The following BMP7 variants were observed in gnomAD, a reference collection of about 807,000 sequenced individuals.
BMP7 encodes the protein bone morphogenetic protein 7.
In BMP7, 12 loss-of-function variants were observed where a neutral mutation model predicts 41.2. That is an observed-to-expected ratio of 0.29 (90% confidence interval 0.19 to 0.47). The LOEUF (loss-of-function observed/expected upper bound fraction) is 0.47, where lower values mean the gene tolerates loss of function less well. BMP7 is among the 20% of genes least tolerant of loss of function. The probability of loss-of-function intolerance (pLI) is 0.99; values close to 1 mark genes in which losing one functional copy is unlikely to be tolerated. For synonymous variants in BMP7, 248 were observed against 250.0 expected, an observed-to-expected ratio of 0.99 and a Z score of 0.07; for missense variants, 467 against 606.0, an observed-to-expected ratio of 0.77 and a Z score of 2.41.
At chr20:57,211,660 T>C (rs954006196) in intron 2 of BMP7, among the ~76,000 whole-genome samples, 9 of 152,122 alleles carry the variant, frequency 5.9e-5, no homozygotes, top group Middle Eastern at 6.8e-3. Context: ...ATAAGGGTCC[T>C]GATAACAGGG....
At chr20:57,216,552 GGGGCTGTCTCCTGAGGGTGA>G (rs1985031060) in intron 2 of BMP7, among the ~76,000 whole-genome samples, 6 of 117,294 alleles carry the variant, frequency 5.1e-5, no homozygotes, top group African/African-American at 3.3e-4. Context: ...CTGAGGGCGA[GGGGCTGTCTCCTGAGGGTGA>G]GGGGCTGTCT....
intron 3 of BMP7, among the ~76,000 whole-genome samples, chr20:57,199,073 G>T (rs1357170587): frequency 6.6e-6 from 1 of 152,198 alleles, no homozygotes; most frequent in East Asian, 1.9e-4. Context: ...GCTGGTGCAG[G>T]CAGGATATCC....
At chr20:57,198,808 G>A (rs937227639) in intron 3 of BMP7, among the ~76,000 whole-genome samples, 1 of 152,176 alleles carries the variant, frequency 6.6e-6, no homozygotes, top group African/African-American at 2.4e-5. Flanking sequence ...CTGAAAGAAG[G>A]TCTGCGATGG....
At chr20:57,179,032 A>G (rs1984004636) in intron 4 of BMP7, among the ~76,000 whole-genome samples, 1 of 152,200 alleles carries the variant, frequency 6.6e-6, no homozygotes, top group Admixed American at 6.5e-5. Context: ...CCAAGGCCAA[A>G]CAGACCAAGG....
In BMP7 at chr20:57,173,325, A is replaced by G. The variant is rs375831613; in HGVS notation, c.1036-15T>C. ...ATGATCCAGTCCTGAGGAGGAGAAG[A>G]GAGTGTGGGAAACCATGCAGAAGGC... On this transcript the variant is annotated splice_polypyrimidine_tract_variant and intron_variant, in intron 5 of 6. Transcript: ENST00000395863. 27 of 1,611,250 alleles carry G rather than the reference A, an allele frequency of 1.7e-5. No individual in the cohort carries two copies. The highest frequency in any genetic ancestry group is 2.2e-5 in the Non-Finnish European group (26 of 1,177,682).
At chr20:57,232,852 TACACAC>T (rs60368986) in intron 1 of BMP7, among the ~76,000 whole-genome samples, 7,723 of 138,022 alleles carry the variant, frequency 0.056, 349 homozygotes, top group African/African-American at 0.12. Flanking sequence ...AGTCATGAAG[TACACAC>T]ACACACACAC....
chr20:57,256,147 A>G (rs6014965), intron 1 of BMP7, among the ~76,000 whole-genome samples: 88,057 of 151,970 alleles, frequency 0.58, 28,378 homozygotes, highest in African/African-American at 0.88. Context: ...CTCCAAAATG[A>G]AGCGCAAGAT....
chr20:57,221,142 CT>C (rs1985180169), intron 2 of BMP7, among the ~76,000 whole-genome samples: 1 of 152,182 alleles, frequency 6.6e-6, no homozygotes, highest in Non-Finnish European at 1.5e-5. Flanking sequence ...TGTGGACCCC[CT>C]GTCACTGTCT....
chr20:57,235,567 T>C (rs903721859), intron 1 of BMP7, among the ~76,000 whole-genome samples: 5 of 152,048 alleles, frequency 3.3e-5, no homozygotes, highest in African/African-American at 1.2e-4. Flanking sequence ...GCTCTGCAGG[T>C]GAGGGTTCTT....
At chr20:57,247,815 C>T (rs1431992045) in intron 1 of BMP7, among the ~76,000 whole-genome samples, 1 of 152,154 alleles carries the variant, frequency 6.6e-6, no homozygotes, top group African/African-American at 2.4e-5. Flanking sequence ...AAGCAGAACT[C>T]AAACCAAGCT....
chr20:57,251,890 C>T (rs1166243349), intron 1 of BMP7, among the ~76,000 whole-genome samples: 2 of 152,096 alleles, frequency 1.3e-5, no homozygotes, highest in Admixed American at 1.3e-4. Context: ...GCCGGGATCG[C>T]GCCACCGCAC....
At chr20:57,208,125 G>A (rs958230161) in intron 2 of BMP7, among the ~76,000 whole-genome samples, 1 of 152,050 alleles carries the variant, frequency 6.6e-6, no homozygotes, top group Non-Finnish European at 1.5e-5. Context: ...CACCGCACCC[G>A]GCCCCCAGTT....
intron 1 of BMP7, among the ~76,000 whole-genome samples, chr20:57,252,375 G>A (rs367729064): frequency 6.6e-6 from 1 of 152,140 alleles, no homozygotes; most frequent in African/African-American, 2.4e-5. Context: ...TAAGCTACAG[G>A]GAGACACGGG....
intron 1 of BMP7, among the ~76,000 whole-genome samples, chr20:57,249,405 G>C (rs2066103377): frequency 6.6e-6 from 1 of 152,088 alleles, no homozygotes; most frequent in East Asian, 1.9e-4. Flanking sequence ...ACTGGGAGAA[G>C]GAACTCAGCC....
At chr20:57,241,281 C>T (rs1056749621) in intron 1 of BMP7, among the ~76,000 whole-genome samples, 1 of 152,226 alleles carries the variant, frequency 6.6e-6, no homozygotes, top group African/African-American at 2.4e-5. Flanking sequence ...ACACTCGATG[C>T]ACTCGCCACA....
chr20:57,209,905 T>G (rs1243891155), intron 2 of BMP7, among the ~76,000 whole-genome samples: 1 of 152,214 alleles, frequency 6.6e-6, no homozygotes, highest in African/African-American at 2.4e-5. Context: ...ATTTCCATGT[T>G]ATACTTGAAC....
chr20:57,183,014 C>G (rs981115706), intron 4 of BMP7, among the ~76,000 whole-genome samples: 29 of 152,334 alleles, frequency 1.9e-4, no homozygotes, highest in African/African-American at 6.5e-4. Flanking sequence ...GCAGGTGGAT[C>G]ACTTGAGGTC....
At chr20:57,223,306 T>A (rs915361688) in intron 2 of BMP7, among the ~76,000 whole-genome samples, 1 of 151,762 alleles carries the variant, frequency 6.6e-6, no homozygotes, top group African/African-American at 2.4e-5. Flanking sequence ...ATTAGAGAGA[T>A]CTTAGCCACC....
intron 3 of BMP7, among the ~76,000 whole-genome samples, chr20:57,200,952 G>A (rs1463858127): frequency 6.6e-6 from 1 of 152,214 alleles, no homozygotes; most frequent in Non-Finnish European, 1.5e-5. Flanking sequence ...GGAGAGCTGG[G>A]TATGTCAGTT....
Sources: allele counts gnomAD v4.1 joint callset (sites outside exome capture counted in the v4.1 genomes callset), GRCh38; gene constraint gnomAD v4.1.1; transcripts MANE v1.5; gene names NCBI Gene and HGNC (gene_info 2026-07-23, HGNC 2026-07-21).